The following WWP2 variants were observed in gnomAD, a reference collection of about 807,000 sequenced individuals.
WWP2 encodes WW domain containing E3 ubiquitin protein ligase 2.
WWP2 carries 57 observed loss-of-function variants against 121.0 expected under a neutral mutation model. The ratio of observed to expected loss-of-function variants is 0.47; its 90% CI spans 0.38 to 0.59. The LOEUF (loss-of-function observed/expected upper bound fraction) is 0.59. Ranked by LOEUF, WWP2 falls within the 20% of genes least tolerant of loss-of-function variation. The pLI is 0.00. For missense variants in WWP2, 962 were observed against 1,158.9 expected (o/e 0.83, Z 2.47); for synonymous variants, 449 against 441.3 (o/e 1.02, Z -0.22).
At chr16:69,841,842 C>T (rs920007495) in intron 5 of WWP2, among the ~76,000 whole-genome samples, 182 bp from the exon 6 acceptor site, 1 of 152,134 alleles carries the variant, frequency 6.6e-6, no homozygotes, top group African/African-American at 2.4e-5. Flanking sequence ...TGGCATGGAT[C>T]GGATCCATAT....
intron 4 of WWP2, among the ~76,000 whole-genome samples, chr16:69,825,708 C>T (rs924567428): frequency 6.6e-6 from 1 of 150,944 alleles, no homozygotes; most frequent in Non-Finnish European, 1.5e-5. Context: ...TCACTGCAGC[C>T]TTGACCTCCT....
At chr16:69,928,987 G>A (rs765516995) in intron 11 of WWP2, among the ~76,000 whole-genome samples, 3 of 152,184 alleles carry the variant, frequency 2.0e-5, no homozygotes, top group Non-Finnish European at 2.9e-5. Context: ...TAAGGACCAC[G>A]CCCTGTAGGA....
At chr16:69,825,952 T>C (rs1166383959) in intron 4 of WWP2, among the ~76,000 whole-genome samples, 1 of 152,056 alleles carries the variant, frequency 6.6e-6, no homozygotes, top group African/African-American at 2.4e-5. Context: ...CTTTTTACTA[T>C]GGAAAATTTC....
chr16:69,879,948 T>G (rs1214436401), intron 7 of WWP2, among the ~76,000 whole-genome samples: 1 of 152,020 alleles, frequency 6.6e-6, no homozygotes, highest in East Asian at 1.9e-4. Flanking sequence ...ATAATTTCGG[T>G]TTTTGCGTCA....
At chr16:69,889,146 T>TAC (rs143311481) in intron 8 of WWP2, among the ~76,000 whole-genome samples, 17,171 of 146,042 alleles carry the variant, frequency 0.12, 1,610 homozygotes, top group African/African-American at 0.27. Context: ...ATATCCTGCC[T>TAC]ACACACACAC....
At chr16:69,785,670 A>G (rs949719881) in intron 1 of WWP2, among the ~76,000 whole-genome samples, 8 of 146,084 alleles carry the variant, frequency 5.5e-5, no homozygotes, top group African/African-American at 2.0e-4. Context: ...TCTGTCACCC[A>G]GGCTGGAGTG....
intron 4 of WWP2, among the ~76,000 whole-genome samples, chr16:69,804,081 G>C (rs940312359): frequency 6.6e-6 from 1 of 152,016 alleles, no homozygotes; most frequent in Admixed American, 6.6e-5. Flanking sequence ...GGTATTGAAA[G>C]AACTCTTTAT....
chr16:69,924,975 C>T (rs2058618286), intron 10 of WWP2: 1 of 988,786 alleles, frequency 1.0e-6, no homozygotes. Flanking sequence ...ATTGGAAAGG[C>T]CTGCGATATT....
rs1055039421 is a variant in WWP2, at chr16:69,844,326, A to G, written c.575+2206A>G. 2.7e-4 allele frequency among the ~76,000 whole-genome samples: 41 copies of G among 152,088 alleles called. 2 individuals are homozygous for G. On this transcript the variant is annotated intron_variant, in intron 6 of 23. Coordinates refer to ENST00000359154, the MANE Select transcript of WWP2 (RefSeq NM_001270454.2). ...TAAGCTAGAACAGCGGTGGGCGAGG[A>G]ATACTTGAGCATTTCACTCTTTTAG...
chr16:69,881,386 G>C (rs2057826916), intron 7 of WWP2, among the ~76,000 whole-genome samples: 1 of 152,170 alleles, frequency 6.6e-6, no homozygotes, highest in African/African-American at 2.4e-5. Flanking sequence ...TTCCTCATAA[G>C]GGCATTGGGA....
intron 1 of WWP2, 56 bp from the exon 2 acceptor site, chr16:69,786,940 C>A: frequency 6.9e-7 from 1 of 1,444,152 alleles, no homozygotes; most frequent in Non-Finnish European, 9.5e-7. Context: ...TTGAGTTAAA[C>A]TCCTCTGTCT....
intron 6 of WWP2, among the ~76,000 whole-genome samples, chr16:69,869,370 T>C (rs906095698): frequency 1.3e-4 from 20 of 151,284 alleles, no homozygotes; most frequent in African/African-American, 4.6e-4. Flanking sequence ...TTGTTGGGGA[T>C]TGGGGGCAAG....
chr16:69,785,983 T>C (rs77702396), intron 1 of WWP2: 1 of 151,604 alleles, frequency 6.6e-6, no homozygotes, highest in East Asian at 1.9e-4. Context: ...TTTTTTTTTT[T>C]CTTGCATTAT....
intron 1 of WWP2, among the ~76,000 whole-genome samples, chr16:69,780,742 G>A (rs893064007): frequency 6.6e-6 from 1 of 152,202 alleles, no homozygotes; most frequent in Non-Finnish European, 1.5e-5. Context: ...AATGGCTCAT[G>A]CCTGTAATCC....
chr16:69,880,538 G>T (rs1476351484), intron 7 of WWP2, among the ~76,000 whole-genome samples: 2 of 152,162 alleles, frequency 1.3e-5, no homozygotes, highest in Non-Finnish European at 2.9e-5. Flanking sequence ...ACCGGGGAAG[G>T]ATTTTACCTT....
intron 8 of WWP2, among the ~76,000 whole-genome samples, chr16:69,894,522 C>G (rs1377320475): frequency 6.6e-6 from 1 of 152,134 alleles, no homozygotes; most frequent in Non-Finnish European, 1.5e-5. Context: ...TTTCTCTGTC[C>G]CCATCTGTAA....
chr16:69,927,828 T>G (rs1202518379), intron 11 of WWP2, among the ~76,000 whole-genome samples: 1 of 152,222 alleles, frequency 6.6e-6, no homozygotes, highest in African/African-American at 2.4e-5. Flanking sequence ...CTTTTATTTA[T>G]TTTTTATTTA....
At chr16:69,912,369 T>TCACACACACACACACA (rs3051446) in intron 9 of WWP2, among the ~76,000 whole-genome samples, 4 of 140,196 alleles carry the variant, frequency 2.9e-5, no homozygotes, top group African/African-American at 5.3e-5. Flanking sequence ...GGAGTTAGAT[T>TCACACACACACACACA]CACACACACA....
At chr16:69,823,197 A>G (rs994864687) in intron 4 of WWP2, among the ~76,000 whole-genome samples, 1 of 152,232 alleles carries the variant, frequency 6.6e-6, no homozygotes, top group African/African-American at 2.4e-5. Context: ...TTATTTCCAC[A>G]TATCTGAAAT....
Sources: allele counts gnomAD v4.1 joint callset (sites outside exome capture counted in the v4.1 genomes callset), GRCh38; gene constraint gnomAD v4.1.1; transcripts MANE v1.5; gene names NCBI Gene and HGNC (gene_info 2026-07-23, HGNC 2026-07-21).